ITFG1: variants seen among roughly 807,000 people sequenced by gnomAD.
ITFG1 encodes the protein T-cell immunomodulatory protein.
In ITFG1, 34 loss-of-function variants were observed where a neutral mutation model predicts 81.8. The ratio of observed to expected loss-of-function variants is 0.42; its 90% CI spans 0.32 to 0.55. ITFG1 has a LOEUF of 0.55. ITFG1 is among the 20% of genes least tolerant of loss of function. The probability of loss-of-function intolerance (pLI) is 0.17; values close to 1 mark genes in which losing one functional copy is unlikely to be tolerated. For synonymous variants in ITFG1, 285 were observed against 270.6 expected (o/e 1.05, Z -0.52); for missense variants, 672 against 755.4 (o/e 0.89, Z 1.29).
intron 5 of ITFG1, among the ~76,000 whole-genome samples, 171 bp from the exon 6 acceptor site, chr16:47,429,069 G>A (rs1969060650): frequency 6.6e-6 from 1 of 152,122 alleles, no homozygotes; most frequent in Non-Finnish European, 1.5e-5. Flanking sequence ...TGTTCACAGT[G>A]TACAATCGTC....
intron 8 of ITFG1, among the ~76,000 whole-genome samples, chr16:47,357,476 G>A (rs367878001): frequency 6.6e-6 from 1 of 151,842 alleles, no homozygotes; most frequent in East Asian, 1.9e-4. Flanking sequence ...TTAGCCGGGC[G>A]TGGTGGTGGG....
chr16:47,380,815 C>T (rs1968387143), intron 6 of ITFG1, among the ~76,000 whole-genome samples: 1 of 152,142 alleles, frequency 6.6e-6, no homozygotes, highest in South Asian at 2.1e-4. Flanking sequence ...ATAATGATAG[C>T]TGATATCACT....
intron 14 of ITFG1, among the ~76,000 whole-genome samples, chr16:47,169,241 G>A (rs935726261): frequency 6.6e-6 from 1 of 152,078 alleles, no homozygotes; most frequent in African/African-American, 2.4e-5. Context: ...TTTGAAGGTT[G>A]GCTTTTTATT....
intron 6 of ITFG1, among the ~76,000 whole-genome samples, chr16:47,394,134 C>T (rs972948542): frequency 6.6e-6 from 1 of 152,162 alleles, no homozygotes; most frequent in Non-Finnish European, 1.5e-5. Context: ...TGTAAGAGAA[C>T]TCATTGCATT....
In ITFG1 at chr16:47,204,524, A is replaced by G. The variant is rs9938709; in HGVS notation, c.1453+14344T>C. Among the ~76,000 whole-genome samples, 765 of 152,302 alleles carry G rather than the reference A, an allele frequency of 5.0e-3. 6 individuals carry two copies. The highest frequency in any genetic ancestry group is 0.018 in the African/African-American group (729 of 41,576). The stretch of plus-strand genomic sequence containing the variant: ...ATTTTGTTAGCTTTTGGTTTTTAAA[A>G]CATTTGTTTTTATTTCTATTATAGC... On this transcript the variant is annotated intron_variant, in intron 14 of 17. Transcript: ENST00000320640.
intron 13 of ITFG1, among the ~76,000 whole-genome samples, chr16:47,229,928 A>T (rs1965797402): frequency 6.6e-6 from 1 of 152,176 alleles, no homozygotes; most frequent in African/African-American, 2.4e-5. Context: ...TTGAGAGATA[A>T]ATATTCACAT....
chr16:47,173,839 G>A (rs1964990102), intron 14 of ITFG1, among the ~76,000 whole-genome samples: 1 of 152,144 alleles, frequency 6.6e-6, no homozygotes, highest in Non-Finnish European at 1.5e-5. Flanking sequence ...TCAGGAGTTC[G>A]AGACCAGCCT....
chr16:47,160,529 G>A (rs1328228459), intron 16 of ITFG1, among the ~76,000 whole-genome samples: 1 of 151,890 alleles, frequency 6.6e-6, no homozygotes, highest in Non-Finnish European at 1.5e-5. Context: ...AGATTTTCTA[G>A]TTTTACTGTA....
intron 2 of ITFG1, among the ~76,000 whole-genome samples, chr16:47,455,958 T>A (rs1236110363): frequency 6.6e-6 from 1 of 151,836 alleles, no homozygotes; most frequent in African/African-American, 2.4e-5. Context: ...GACAAAAAAA[T>A]TTTTCAAAGA....
intron 14 of ITFG1, among the ~76,000 whole-genome samples, chr16:47,211,285 GAGAAT>G (rs1965557935): frequency 6.6e-6 from 1 of 152,278 alleles, no homozygotes; most frequent in African/African-American, 2.4e-5. Context: ...TTGAGTGATT[GAGAAT>G]AGAAATGTAT....
chr16:47,328,474 T>C (rs1004272715), intron 8 of ITFG1, among the ~76,000 whole-genome samples: 2 of 151,766 alleles, frequency 1.3e-5, no homozygotes, highest in Non-Finnish European at 2.9e-5. Flanking sequence ...AGTATAATAA[T>C]AATAATAAAA....
intron 8 of ITFG1, among the ~76,000 whole-genome samples, chr16:47,319,606 AATT>A (rs1967417967): frequency 6.6e-6 from 1 of 152,056 alleles, no homozygotes; most frequent in Non-Finnish European, 1.5e-5. Flanking sequence ...GACTTACTAA[AATT>A]ATTGTTTTTT....
intron 14 of ITFG1, among the ~76,000 whole-genome samples, chr16:47,197,086 C>T (rs926922812): frequency 6.6e-6 from 1 of 152,160 alleles, no homozygotes; most frequent in African/African-American, 2.4e-5. Flanking sequence ...GTACTTAACT[C>T]CAAAATATTG....
At chr16:47,183,915 C>T (rs1227153723) in intron 14 of ITFG1, among the ~76,000 whole-genome samples, 1 of 152,004 alleles carries the variant, frequency 6.6e-6, no homozygotes, top group East Asian at 1.9e-4. Context: ...TGTATAACTA[C>T]AATAACCAAT....
intron 8 of ITFG1, among the ~76,000 whole-genome samples, chr16:47,329,973 T>G (rs2151573275): frequency 6.6e-6 from 1 of 152,256 alleles, no homozygotes; most frequent in East Asian, 1.9e-4. Flanking sequence ...TGCTTTTACA[T>G]AAGCCAAATG....
At chr16:47,184,968 G>T (rs1433044024) in intron 14 of ITFG1, among the ~76,000 whole-genome samples, 2 of 151,312 alleles carry the variant, frequency 1.3e-5, no homozygotes, top group Non-Finnish European at 2.9e-5. Context: ...AAAAAGGCAG[G>T]GGTTGCAATC....
rs112273253 is a variant in ITFG1 at position 47,318,586 on chromosome 16, A to G, written c.803-4763T>C. Reference sequence around the variant, plus strand: ...AGAAGAATAGTTCTCAAACTTTTAAATACTCTGAAAAACTGAAGACCCCAA... The same window carrying G: ...AGAAGAATAGTTCTCAAACTTTTAAGTACTCTGAAAAACTGAAGACCCCAA... On this transcript the variant is annotated intron_variant, in intron 8 of 17. Transcript: ENST00000320640. 2.0e-3 allele frequency among the ~76,000 whole-genome samples: 312 copies of G among 152,272 alleles called. 4 individuals carry two copies. The highest frequency in any genetic ancestry group is 7.1e-3 in the African/African-American group (297 of 41,566).
At chr16:47,392,305 G>A (rs1241150192) in intron 6 of ITFG1, among the ~76,000 whole-genome samples, 1 of 152,180 alleles carries the variant, frequency 6.6e-6, no homozygotes, top group Non-Finnish European at 1.5e-5. Flanking sequence ...AAATAGATGT[G>A]AAGGAGATGA....
intron 8 of ITFG1, among the ~76,000 whole-genome samples, chr16:47,345,331 C>T (rs918726395): frequency 6.6e-5 from 10 of 151,086 alleles, no homozygotes; most frequent in African/African-American, 1.9e-4. Context: ...GACAGAGTCT[C>T]ACTCTGTCGC....
Sources: allele counts gnomAD v4.1 joint callset (sites outside exome capture counted in the v4.1 genomes callset), GRCh38; gene constraint gnomAD v4.1.1; transcripts MANE v1.5; gene names NCBI Gene and HGNC (gene_info 2026-07-23, HGNC 2026-07-21).